The following DYNC2H1 variants were observed in gnomAD, a reference collection of about 807,000 sequenced individuals.
The protein encoded by DYNC2H1 is cytoplasmic dynein 2 heavy chain 1.
A neutral mutation model predicts 570.0 loss-of-function variants in DYNC2H1; 410 were observed. That is an observed-to-expected ratio of 0.72 (90% CI 0.66 to 0.78). The LOEUF is 0.78. DYNC2H1 is among the 30% of genes least tolerant of loss of function. DYNC2H1 has a pLI of 0.00. For missense variants in DYNC2H1, 4,865 were observed against 5,046.4 expected (o/e 0.96, Z 1.09); for synonymous variants, 1,688 against 1,677.6 (o/e 1.01, Z -0.15).
At chr11:103,284,244 T>C (rs542145413) in intron 73 of DYNC2H1, among the ~76,000 whole-genome samples, 1 of 152,200 alleles carries the variant, frequency 6.6e-6, no homozygotes, top group Non-Finnish European at 1.5e-5. Flanking sequence ...CTTTGCTCCT[T>C]GGCTATAAAT....
At chr11:103,271,129 C>T (rs944075136) in intron 70 of DYNC2H1, among the ~76,000 whole-genome samples, 1 of 152,066 alleles carries the variant, frequency 6.6e-6, no homozygotes, top group African/African-American at 2.4e-5. Context: ...ATTTAGTGTG[C>T]AAATAATTTA....
intron 20 of DYNC2H1, among the ~76,000 whole-genome samples, chr11:103,149,447 T>A (rs1383422685): frequency 6.6e-6 from 1 of 152,188 alleles, no homozygotes; most frequent in Non-Finnish European, 1.5e-5. Context: ...TAATTCAAAT[T>A]AGTGTACAAA....
intron 82 of DYNC2H1, among the ~76,000 whole-genome samples, chr11:103,342,249 CACCAATCAGCACCCTGTAAAATGG>C (rs1939482903): frequency 3.9e-5 from 6 of 152,166 alleles, no homozygotes; most frequent in Non-Finnish European, 7.4e-5. Flanking sequence ...TGGTAAAATG[CACCAATCAGCACCCTGTAAAATGG>C]ACCAATCAGC....
intron 40 of DYNC2H1, among the ~76,000 whole-genome samples, chr11:103,182,310 C>CTA (rs1485552554): frequency 6.7e-6 from 1 of 150,070 alleles, no homozygotes; most frequent in East Asian, 1.9e-4. Flanking sequence ...CAATAAATAC[C>CTA]TATATATATG....
chr11:103,159,442 G>A (rs1249543436), intron 28 of DYNC2H1, among the ~76,000 whole-genome samples: 1 of 152,110 alleles, frequency 6.6e-6, no homozygotes, highest in Non-Finnish European at 1.5e-5. Context: ...TGTCCTGAAT[G>A]ACATACAGGT....
chr11:103,248,439 G>C (rs746156377), intron 65 of DYNC2H1, among the ~76,000 whole-genome samples: 1 of 151,932 alleles, frequency 6.6e-6, no homozygotes, highest in African/African-American at 2.4e-5. Flanking sequence ...ACTGATTTTG[G>C]TCTTCTTTTG....
Position 103,220,032 on chromosome 11 carries a change from A to G in DYNC2H1, c.8946+4A>G. 7.2e-7 allele frequency: 1 copy of G among 1,394,122 alleles called. No homozygotes were observed. Among genetic ancestry groups the G allele is most frequent in the South Asian group, 1.5e-5 (1 of 68,810 alleles). 86.4% of individuals were successfully genotyped at this position (1,394,122 alleles called of 1,614,324 possible). A position where few individuals can be genotyped will look rare whatever the true frequency, so the allele number is the denominator to read the frequency against. On this transcript the variant is annotated splice_donor_region_variant and intron_variant, in intron 56 of 88. Coordinates refer to ENST00000375735, the MANE Select transcript of DYNC2H1 (RefSeq NM_001377.3). Reference sequence around the variant, plus strand: ...TGATGAATTAAAAGAAGTACAAGTAAGTTAAAAAACATTCTAAGATCCATT... The same window carrying G: ...TGATGAATTAAAAGAAGTACAAGTAGGTTAAAAAACATTCTAAGATCCATT...
At chr11:103,331,799 C>T (rs1213759116) in intron 82 of DYNC2H1, among the ~76,000 whole-genome samples, 9 of 152,152 alleles carry the variant, frequency 5.9e-5, no homozygotes, top group Non-Finnish European at 1.2e-4. Flanking sequence ...CAGTGGCTCA[C>T]GCCCGTAATC....
chr11:103,214,098 AAT>A (rs1863271059), intron 54 of DYNC2H1, among the ~76,000 whole-genome samples: 1 of 152,124 alleles, frequency 6.6e-6, no homozygotes, highest in Non-Finnish European at 1.5e-5. Context: ...TCCTTTTCCC[AAT>A]ATATACTTTG....
In DYNC2H1 at chr11:103,113,594, G is replaced by C; in HGVS notation, c.253G>C (p.Val85Leu). ...VLVFFKLRPEVITDENLHDNI... is the reference protein window; with the variant it reads ...VLVFFKLRPELITDENLHDNI... ...GGTGTTTTTCAAGCTGCGACCTGAA[G>C]TAATTACTGATGAGAATCTACATGA... Residue 85 changes from valine to leucine, a missense_variant, in exon 2 of 89, where the codon GTA becomes CTA. By Grantham distance (32) the Val-to-Leu change is conservative. Coordinates refer to ENST00000375735, the MANE Select transcript of DYNC2H1 (RefSeq NM_001377.3). 1.3e-6 allele frequency: 2 copies of C among 1,578,432 alleles called. No homozygotes were observed. Among genetic ancestry groups the C allele is most frequent in the Non-Finnish European group, 1.7e-6 (2 of 1,166,996 alleles).
At position 103,147,854 on chromosome 11, in the gene DYNC2H1, C is replaced by G. The variant is rs576945759; in HGVS notation, c.2785C>G (p.Leu929Val). The G allele has an allele frequency of 2.5e-6, 4 of 1,611,074 alleles. No homozygotes were observed. The Middle Eastern group carries it at 5.0e-4, about 200-fold the overall frequency. ...IDDLIQKLFD[L>V]LVLSLKKSIQ... ...TGATCTCATCCAGAAGTTATTTGAT[C>G]TGCTTGTTCTTTCTTTGAAGAAGTC... The change falls in exon 19 of 89, where the codon CTG becomes GTG. Residue 929 changes from leucine (L) to valine (V), a missense_variant. By Grantham distance (32) the Leu-to-Val change is conservative. This residue lies in a region of DYNC2H1 where 1,936 missense variants were observed against 1,962.1 expected (regional missense o/e 0.99). Transcript: ENST00000375735.
chr11:103,226,301 T>C (rs1373876916), intron 59 of DYNC2H1, among the ~76,000 whole-genome samples: 1 of 151,902 alleles, frequency 6.6e-6, no homozygotes, highest in Non-Finnish European at 1.5e-5. Flanking sequence ...CCAGTTCTCA[T>C]GGGGAATGCA....
Position 103,133,555 on chromosome 11 carries a change from A to T in DYNC2H1, c.1954A>T (p.Asn652Tyr). 1.2e-6 allele frequency: 2 copies of T among 1,604,560 alleles called. No individual in the cohort carries two copies. The highest frequency in any genetic ancestry group is 1.7e-6 in the Non-Finnish European group (2 of 1,177,716). The change falls in exon 14 of 89, where the codon AAT becomes TAT. Residue 652 changes from asparagine to tyrosine, a missense_variant and splice_region_variant. Transcript: ENST00000375735. This position sits in a 1 kb window ranked among gnomAD's most constrained non-coding sequence, Gnocchi z 4.8. ...SALAFEQIIK[N>Y]SKAGSGGKSQ... ...CTAAAGGTTATTTATTGTACCATAG[A>T]ATTCAAAAGCAGGAAGTGGAGGGAA... is the stretch of plus-strand genomic sequence containing the variant.
chr11:103,394,292 T>C (rs568231152), intron 83 of DYNC2H1, among the ~76,000 whole-genome samples: 91 of 152,308 alleles, frequency 6.0e-4, no homozygotes, highest in African/African-American at 2.0e-3. Flanking sequence ...GATCTCCGAA[T>C]CTGTAGGTTC....
At chr11:103,276,659 C>G (rs1340208781) in intron 70 of DYNC2H1, among the ~76,000 whole-genome samples, 1 of 151,934 alleles carries the variant, frequency 6.6e-6, no homozygotes, top group Non-Finnish European at 1.5e-5. Flanking sequence ...AGATGTTTAT[C>G]CATATATGTA....
At chr11:103,409,434 C>A (rs1341902688) in intron 84 of DYNC2H1, 1 of 151,780 alleles carries the variant, frequency 6.6e-6, no homozygotes, top group African/African-American at 2.4e-5. Context: ...AGCTTGAATG[C>A]TTTCTTAATT....
Position 103,215,818 on chromosome 11 carries a change from A to C in DYNC2H1, c.8792A>C (p.Glu2931Ala), listed in dbSNP as rs928943276. 2 of 1,612,670 alleles carry C rather than the reference A, an allele frequency of 1.2e-6. No individual in the cohort carries two copies. Among genetic ancestry groups the C allele is most frequent in the African/African-American group, 2.7e-5 (2 of 74,908 alleles). The change falls in exon 55 of 89, where the codon GAA (glutamate) becomes GCA (alanine). Residue 2931 changes from glutamate (E) to alanine (A), a missense_variant. By Grantham distance (107) the Glu-to-Ala change is moderately radical. Transcript: ENST00000375735. ...GTGTTACTTAAAACGAAGCAAGATG[A>C]AGCAGATGCTGCCCTTCAAATGATC... is the stretch of plus-strand genomic sequence containing the variant. ...QSVLLKTKQD[E>A]ADAALQMITV...
intron 20 of DYNC2H1, 62 bp from the exon 21 acceptor site, chr11:103,152,074 A>T: frequency 7.1e-7 from 1 of 1,399,708 alleles, no homozygotes; most frequent in Non-Finnish European, 9.6e-7. Context: ...AATAAATGAA[A>T]TCTTAAGAGA....
intron 83 of DYNC2H1, among the ~76,000 whole-genome samples, chr11:103,366,311 G>A (rs1172975174): frequency 6.6e-6 from 1 of 152,174 alleles, no homozygotes; most frequent in African/African-American, 2.4e-5. Context: ...GTGTGAGAGG[G>A]AAAGCAAGAG....
Sources: gnomAD v4.1 joint callset for allele counts (sites outside exome capture counted in the v4.1 genomes callset) on GRCh38, gnomAD v4.1.1 for gene constraint, gnomAD v4.1.1 regional missense constraint, Gnocchi (gnomAD v3.1) non-coding constraint, MANE v1.5 for transcripts, NCBI Gene and HGNC (gene_info 2026-07-23, HGNC 2026-07-21) for gene names.